Variants in MAN2B1 observed in about 807,000 individuals in gnomAD.
The protein encoded by MAN2B1 is mannosidase alpha class 2B member 1, also known as lysosomal alpha-mannosidase.
Under a neutral mutation model 127.5 loss-of-function variants are expected in MAN2B1, and 99 were observed. The observed-to-expected ratio is 0.78, with a 90% CI of 0.66 to 0.92. The LOEUF (loss-of-function observed/expected upper bound fraction) is 0.92, where lower values mean the gene tolerates loss of function less well. Among genes scored for constraint, MAN2B1 ranks in the 40% least tolerant of loss-of-function variants. The pLI is 0.00. For synonymous variants in MAN2B1, 573 were observed against 568.8 expected, an observed-to-expected ratio of 1.01 and a Z score of -0.11; for missense variants, 1,304 against 1,384.8, an observed-to-expected ratio of 0.94 and a Z score of 0.93.
At chr19:12,657,983 A>G (rs2024010975) in intron 10 of MAN2B1, 80 bp downstream of exon 10, 1 of 953,734 alleles carries the variant, frequency 1.0e-6, no homozygotes, top group African/African-American at 1.7e-5. Context: ...AAAAAAAAAG[A>G]AGAAACTCGA....
At chr19:12,665,860 C>T in intron 1 of MAN2B1, 55 bp from the exon 2 acceptor site, 4 of 1,394,384 alleles carry the variant, frequency 2.9e-6, no homozygotes, top group Non-Finnish European at 4.0e-6. Context: ...AGGTCGGGGG[C>T]TGCAGAGTAA....
At chr19:12,657,880 G>A (rs1009903082) in intron 10 of MAN2B1, 183 bp downstream of exon 10, 6 of 653,304 alleles carry the variant, frequency 9.2e-6, no homozygotes, top group South Asian at 5.7e-5. Context: ...GCGTGAACAC[G>A]GGAGGTGGAG....
chr19:12,657,671 G>A, intron 10 of MAN2B1, 116 bp from the exon 11 acceptor site: 1 of 936,354 alleles, frequency 1.1e-6, no homozygotes, highest in Non-Finnish European at 1.7e-6. Context: ...GAAGGAACTC[G>A]AGGACGGCTG....
At chr19:12,655,577 G>C (rs1315184441) in intron 14 of MAN2B1, 117 bp downstream of exon 14, 3 of 1,001,498 alleles carry the variant, frequency 3.0e-6, no homozygotes, top group Non-Finnish European at 4.5e-6. Context: ...CACAATGAGG[G>C]GAGTTGTGAC....
At chr19:12,663,616 G>A (rs527388733) in intron 5 of MAN2B1, 87 bp downstream of exon 5, 1 of 1,545,516 alleles carries the variant, frequency 6.5e-7, no homozygotes, top group South Asian at 1.2e-5. Context: ...GGAATTCCAG[G>A]ACAGTGACAA....
chr19:12,650,345 C>T (rs562750210), intron 16 of MAN2B1, 123 bp from the exon 17 acceptor site: 7 of 708,300 alleles, frequency 9.9e-6, no homozygotes, highest in East Asian at 2.6e-5. Context: ...CTTCAGTCAC[C>T]GCCACATAAT....
rs780976300 is a variant in MAN2B1 at position 12,660,950 on chromosome 19, C to T, written c.1026+310G>A. On this transcript the variant is annotated intron_variant, in intron 7 of 23. Transcript: ENST00000456935. Reference sequence around the variant, plus strand: ...ATTTCTGTATTTTTAGTAGAGACAGCGTTTCACCATGTTGGTCAGGCTGGT... The same window carrying T: ...ATTTCTGTATTTTTAGTAGAGACAGTGTTTCACCATGTTGGTCAGGCTGGT... The T allele has an allele frequency of 1.4e-5, 5 of 354,086 alleles. No individual in the cohort carries two copies. The Admixed American group carries it at 1.9e-4, about 13-fold the overall frequency. The allele number at this position is 354,086 out of a possible 1,614,324, so 21.9% of individuals were successfully genotyped here. A position where few individuals can be genotyped will look rare whatever the true frequency, so the allele number is the denominator to read the frequency against.
intron 20 of MAN2B1, among the ~76,000 whole-genome samples, 178 bp downstream of exon 20, chr19:12,648,958 G>C (rs2023769399): frequency 6.6e-6 from 1 of 152,158 alleles, no homozygotes; most frequent in South Asian, 2.1e-4. Flanking sequence ...TAGTACTATT[G>C]CACTCCAGCT....
Position 12,652,362 on chromosome 19 carries a change from C to T in MAN2B1, c.1928+1G>A. ...CCTCAGGCCTGGTGATCTTCCCTTA[C>T]CAGAAGAAGGTCTGGCGAACAGGCA... is the stretch of plus-strand genomic sequence containing the variant. On this transcript the variant is annotated splice_donor_variant, in intron 15 of 23. Transcript: ENST00000456935. LOFTEE classifies it high-confidence loss of function. 2 of 1,613,762 alleles carry T rather than the reference C, an allele frequency of 1.2e-6. No homozygotes were observed.
At chr19:12,661,485 G>T in intron 6 of MAN2B1, 109 bp from the exon 7 acceptor site, 2 of 794,410 alleles carry the variant, frequency 2.5e-6, no homozygotes. Flanking sequence ...AGGCATGGGT[G>T]GGGGTATGGC....
At chr19:12,652,641 C>T (rs1287247011) in intron 14 of MAN2B1, among the ~76,000 whole-genome samples, 181 bp from the exon 15 acceptor site, 3 of 149,692 alleles carry the variant, frequency 2.0e-5, no homozygotes, top group Non-Finnish European at 3.0e-5. Flanking sequence ...AAGTGATTCT[C>T]GTGCCTCAGC....
At chr19:12,664,058 T>C (rs2024170916) in intron 4 of MAN2B1, among the ~76,000 whole-genome samples, 1 of 152,084 alleles carries the variant, frequency 6.6e-6, no homozygotes, top group Non-Finnish European at 1.5e-5. Flanking sequence ...GGGCAGACTG[T>C]CTACAAAAAA....
In MAN2B1 at chr19:12,648,377, T is replaced by C; in HGVS notation, c.2462A>G (p.Asp821Gly). ...TAGTGGCTCCGATACTCCGCGTCCA[T>C]CGTCCTTCAGCAGCCTTCGGTGCAC... Reference protein sequence around the residue: ...LMVHRRLLKDDGRGVSEPLME... With the variant: ...LMVHRRLLKDGGRGVSEPLME... Residue 821 changes from aspartate to glycine, a missense_variant, in exon 21 of 24, where the codon GAT becomes GGT. Coordinates refer to ENST00000456935, the MANE Select transcript of MAN2B1 (RefSeq NM_000528.4). The C allele has an allele frequency of 1.9e-6, 3 of 1,613,110 alleles. No homozygotes were observed. The highest frequency in any genetic ancestry group is 1.3e-5 in the African/African-American group (1 of 75,002).
intron 6 of MAN2B1, among the ~76,000 whole-genome samples, chr19:12,662,138 C>T (rs1212975560): frequency 2.6e-5 from 4 of 152,006 alleles, no homozygotes; most frequent in Non-Finnish European, 5.9e-5. Flanking sequence ...AGCCACCATG[C>T]CCAGCCATCA....
chr19:12,656,574 G>A lies in MAN2B1; in HGVS notation c.1641C>T (p.Ser547=), dbSNP rs1295503998. The A allele has an allele frequency of 1.9e-6, 3 of 1,610,154 alleles. No homozygotes were observed. The highest frequency in any genetic ancestry group is 2.5e-6 in the Non-Finnish European group (3 of 1,176,478). The part of the protein sequence containing the change: ...VKDPNGRTVP[S]DVVIFPSSDS... ...AATATTCGTTGTTTGGGCTCACATC[G>A]CTGGGCACTGTCCTGCCATTGGGGT... The change falls in exon 13 of 24, where the codon AGC becomes AGT. Residue 547 remains serine, a synonymous_variant. Coordinates refer to ENST00000456935, the MANE Select transcript of MAN2B1 (RefSeq NM_000528.4).
chr19:12,647,100 T>A lies in MAN2B1; in HGVS notation c.2923+133A>T, dbSNP rs530652472. ...TTTCAGATCCTTTAAGCCCCTAACC[T>A]GGGTCTGGACTCTGCCCCATACCCT... On this transcript the variant is annotated intron_variant, in intron 23 of 23. Transcript: ENST00000456935. The surrounding 1 kb of genome is among the most constrained non-coding windows in gnomAD (Gnocchi z 4.9). The A allele has an allele frequency of 1.2e-4, 100 of 835,420 alleles. No individual in the cohort carries two copies. The African/African-American group carries it at 1.6e-3, about 14-fold the overall frequency. The allele number at this position is 835,420 out of a possible 1,614,324, so 51.8% of individuals were successfully genotyped here.
Position 12,665,515 on chromosome 19 carries a change from G to A in MAN2B1, c.273C>T (p.Asp91=), listed in dbSNP as rs1242069109. ...VDQYFYGIKN[D]IQHAGVQYIL... The stretch of plus-strand genomic sequence containing the variant: ...TGTACTGCACACCGGCGTGCTGGAT[G>A]TCATTCTTGACTGTGGATAACAGGG... Residue 91 remains aspartate, a synonymous_variant, in exon 3 of 24, where the codon GAC becomes GAT. Coordinates refer to ENST00000456935, the MANE Select transcript of MAN2B1 (RefSeq NM_000528.4). The A allele has an allele frequency of 1.2e-6, 2 of 1,614,182 alleles. No homozygotes were observed. The highest frequency in any genetic ancestry group is 1.7e-6 in the Non-Finnish European group (2 of 1,180,038).
In MAN2B1 at chr19:12,661,901, G is replaced by A. The variant is rs182210705; in HGVS notation, c.910-525C>T. Among the ~76,000 whole-genome samples, 3 of 151,950 alleles carry A rather than the reference G, an allele frequency of 2.0e-5. No homozygotes were observed. The East Asian group carries it at 5.8e-4, about 29-fold the overall frequency. On this transcript the variant is annotated intron_variant, in intron 6 of 23. Coordinates refer to ENST00000456935, the MANE Select transcript of MAN2B1 (RefSeq NM_000528.4). ...ACTCTGCTGCCCAAGCTAGAGTGAA[G>A]TGACGTGATCTCGGCTCACTGCAAC...
chr19:12,664,343 C>T (rs1265155283), intron 4 of MAN2B1, among the ~76,000 whole-genome samples: 1 of 150,234 alleles, frequency 6.7e-6, no homozygotes, highest in Non-Finnish European at 1.5e-5. Flanking sequence ...GGTCCAACAT[C>T]AGAACCCAGG....
Sources: allele counts gnomAD v4.1 joint callset (sites outside exome capture counted in the v4.1 genomes callset), GRCh38; gene constraint gnomAD v4.1.1; non-coding constraint Gnocchi (gnomAD v3.1); transcripts MANE v1.5; gene names NCBI Gene and HGNC (gene_info 2026-07-23, HGNC 2026-07-21).